The following APP variants were observed in gnomAD, a reference collection of about 807,000 sequenced individuals.
The protein encoded by APP is amyloid-beta precursor protein.
A neutral mutation model predicts 101.4 loss-of-function variants in APP; 31 were observed. The ratio of observed to expected loss-of-function variants is 0.31; its 90% confidence interval spans 0.23 to 0.41. APP has a LOEUF of 0.41. APP is among the 10% of genes least tolerant of loss of function. The pLI is 1.00. For synonymous variants in APP, 366 were observed against 364.4 expected (o/e 1.00, Z -0.05); for missense variants, 839 against 1,003.7 (o/e 0.84, Z 2.22).
chr21:26,136,206 G>GAAAGAAAGAAAGAAAGAA (rs2062912905), intron 1 of APP, among the ~76,000 whole-genome samples: 4 of 115,326 alleles, frequency 3.5e-5, no homozygotes, highest in Non-Finnish European at 7.1e-5. Flanking sequence ...AGAAAGAAAA[G>GAAAGAAAGAAAGAAAGAA]AAAAGAAAGA....
chr21:26,111,402 C>T (rs45544544), intron 2 of APP, among the ~76,000 whole-genome samples: 8,276 of 152,072 alleles, frequency 0.054, 778 homozygotes, highest in African/African-American at 0.19. Context: ...AACCAAAAGA[C>T]CTTGACTGTA....
At position 26,141,185 on chromosome 21, in the gene APP, C is replaced by T. The variant is rs115646648; in HGVS notation, c.58-29039G>A. ...GCAAATCTGATATTGCAAATACCAA[C>T]GCAAAGAGTCTAATGAAAACTTTCT... On this transcript the variant is annotated intron_variant, in intron 1 of 17. Transcript: ENST00000346798. Among the ~76,000 whole-genome samples, 1,451 of 152,286 alleles carry T rather than the reference C, an allele frequency of 9.5e-3. 18 individuals carry two copies. Among genetic ancestry groups the T allele is most frequent in the African/African-American group, 0.033 (1,364 of 41,540 alleles).
At chr21:25,892,063 AAAG>A (rs758297878) in intron 16 of APP, among the ~76,000 whole-genome samples, 195 bp from the exon 17 acceptor site, 19 of 150,716 alleles carry the variant, frequency 1.3e-4, no homozygotes, top group Admixed American at 1.1e-3. Flanking sequence ...AAAAAAAAAA[AAAG>A]AAATCACATA....
chr21:26,000,298 AG>A, intron 6 of APP, 116 bp from the exon 7 acceptor site: 1 of 1,292,070 alleles, frequency 7.7e-7, no homozygotes, highest in Admixed American at 1.9e-5. Flanking sequence ...CTGGTTTATT[AG>A]GCAGCATCTA....
chr21:26,125,961 G>A (rs150963359), intron 1 of APP, among the ~76,000 whole-genome samples: 30 of 152,240 alleles, frequency 2.0e-4, no homozygotes, highest in African/African-American at 6.3e-4. Flanking sequence ...CCTTACCCCC[G>A]ACGGATGTCT....
intron 1 of APP, among the ~76,000 whole-genome samples, chr21:26,145,980 T>C (rs1438095418): frequency 6.6e-6 from 1 of 152,206 alleles, no homozygotes; most frequent in Non-Finnish European, 1.5e-5. Context: ...TGTGCGCATT[T>C]ATACAATATA....
chr21:26,152,736 A>C (rs868293501), intron 1 of APP, among the ~76,000 whole-genome samples: 2 of 152,298 alleles, frequency 1.3e-5, no homozygotes, highest in South Asian at 4.1e-4. Flanking sequence ...CATTATGGAG[A>C]TTTCCTAAAG....
intron 15 of APP, among the ~76,000 whole-genome samples, chr21:25,900,817 GTC>G (rs2038409109): frequency 1.3e-5 from 2 of 151,244 alleles, no homozygotes; most frequent in South Asian, 4.2e-4. Flanking sequence ...GTGAAACCCC[GTC>G]TCTACTAAAA....
intron 5 of APP, among the ~76,000 whole-genome samples, chr21:26,050,459 G>T (rs1332512193): frequency 6.6e-6 from 1 of 151,198 alleles, no homozygotes; most frequent in Non-Finnish European, 1.5e-5. Flanking sequence ...GCGAAAATAG[G>T]TTTCTTTACA....
At chr21:26,107,089 C>T (rs1460322191) in intron 2 of APP, among the ~76,000 whole-genome samples, 1 of 152,296 alleles carries the variant, frequency 6.6e-6, no homozygotes, top group East Asian at 1.9e-4. Flanking sequence ...CATGTTCCTC[C>T]AGTTGACTTG....
chr21:25,998,378 C>G (rs906377252), intron 7 of APP, among the ~76,000 whole-genome samples: 1 of 142,510 alleles, frequency 7.0e-6, no homozygotes, highest in African/African-American at 2.8e-5. Flanking sequence ...TGCAATCATC[C>G]AATCAGAGCC....
intron 3 of APP, among the ~76,000 whole-genome samples, chr21:26,079,276 A>T (rs1376339961): frequency 6.6e-6 from 1 of 152,148 alleles, no homozygotes; most frequent in Admixed American, 6.5e-5. Flanking sequence ...CCTCATCATA[A>T]CCATTTGTAA....
chr21:25,912,548 G>T (rs1218476717), intron 13 of APP, among the ~76,000 whole-genome samples: 1 of 152,072 alleles, frequency 6.6e-6, no homozygotes, highest in African/African-American at 2.4e-5. Flanking sequence ...CATGACCTAT[G>T]CTCTGAGGCA....
intron 11 of APP, among the ~76,000 whole-genome samples, chr21:25,967,543 G>C (rs796409694): frequency 2.6e-5 from 4 of 152,254 alleles, no homozygotes; most frequent in African/African-American, 9.6e-5. Flanking sequence ...TACAAATTAG[G>C]GGGTGCTAAG....
intron 13 of APP, chr21:25,945,794 T>TCCTC: frequency 2.4e-6 from 1 of 423,886 alleles, no homozygotes; most frequent in Non-Finnish European, 4.7e-6. Flanking sequence ...GCTCAGGAGA[T>TCCTC]CCTCCCACCA....
At chr21:26,129,085 A>G (rs1209674163) in intron 1 of APP, among the ~76,000 whole-genome samples, 2 of 152,200 alleles carry the variant, frequency 1.3e-5, no homozygotes, top group Non-Finnish European at 2.9e-5. Context: ...GTGTTTCCAA[A>G]GGCCTAAAAT....
At chr21:26,093,643 G>A (rs1350745203) in intron 2 of APP, among the ~76,000 whole-genome samples, 3 of 152,118 alleles carry the variant, frequency 2.0e-5, no homozygotes, top group Admixed American at 1.3e-4. Flanking sequence ...CCATGAAGAC[G>A]GGGCTTTTCC....
intron 16 of APP, among the ~76,000 whole-genome samples, chr21:25,894,673 G>A (rs945866405): frequency 1.3e-5 from 2 of 152,216 alleles, no homozygotes; most frequent in African/African-American, 4.8e-5. Context: ...TCTTATGGAT[G>A]AGCAAAGAAA....
chr21:26,148,349 A>G (rs541410373), intron 1 of APP, among the ~76,000 whole-genome samples: 2 of 152,204 alleles, frequency 1.3e-5, no homozygotes, highest in African/African-American at 4.8e-5. Context: ...GGGCAGGACT[A>G]GGGCAGGAGA....
Sources: allele counts gnomAD v4.1 joint callset (sites outside exome capture counted in the v4.1 genomes callset), GRCh38; gene constraint gnomAD v4.1.1; transcripts MANE v1.5; gene names NCBI Gene and HGNC (gene_info 2026-07-23, HGNC 2026-07-21).